The following PNLIPRP1 variants were observed in gnomAD, a reference collection of about 807,000 sequenced individuals.
PNLIPRP1 encodes the protein pancreatic lipase related protein 1.
Under a neutral mutation model 54.6 loss-of-function variants are expected in PNLIPRP1, and 57 were observed. That is an observed-to-expected ratio of 1.04 (90% CI 0.84 to 1.30). The LOEUF is 1.30. PNLIPRP1 is among the 50% of genes most tolerant of loss of function. PNLIPRP1 has a pLI of 0.00. For missense variants in PNLIPRP1, 567 were observed against 568.5 expected, an observed-to-expected ratio of 1.00 and a Z score of 0.03; for synonymous variants, 232 against 208.8, an observed-to-expected ratio of 1.11 and a Z score of -0.96.
intron 12 of PNLIPRP1, among the ~76,000 whole-genome samples, chr10:116,608,252 T>C (rs1847970858): frequency 6.6e-6 from 1 of 152,194 alleles, no homozygotes; most frequent in Non-Finnish European, 1.5e-5. Context: ...TTAAAAAATA[T>C]GAGGGGATTC....
chr10:116,597,943 C>T lies in PNLIPRP1; in HGVS notation c.690C>T (p.Phe230=). The change falls in exon 7 of 13, where the codon TTC becomes TTT. Residue 230 remains phenylalanine, a synonymous_variant. Coordinates refer to ENST00000358834, the MANE Select transcript of PNLIPRP1 (RefSeq NM_006229.4). ...IHTDAAPLIP[F]LGFGTNQQMG... is the part of the protein sequence containing the mutation. ...CGGATGCAGCTCCCCTGATCCCATTCTTGGGTGAGACCTATGATGCTCCAG... is the reference window on the plus strand; with the variant it reads ...CGGATGCAGCTCCCCTGATCCCATTTTTGGGTGAGACCTATGATGCTCCAG... The T allele has an allele frequency of 1.2e-6, 2 of 1,614,208 alleles. No homozygotes were observed. The highest frequency in any genetic ancestry group is 1.7e-6 in the Non-Finnish European group (2 of 1,180,006).
At chr10:116,591,454 A>T (rs1554863130) in intron 2 of PNLIPRP1, among the ~76,000 whole-genome samples, 1 of 152,236 alleles carries the variant, frequency 6.6e-6, no homozygotes, top group Admixed American at 6.5e-5. Flanking sequence ...ATATTGACTT[A>T]TCAATGCCCA....
At chr10:116,606,613 G>A (rs782392988) in intron 12 of PNLIPRP1, among the ~76,000 whole-genome samples, 2 of 152,204 alleles carry the variant, frequency 1.3e-5, no homozygotes, top group Non-Finnish European at 2.9e-5. Context: ...ATGTCAGGTG[G>A]TGGCATCATT....
intron 12 of PNLIPRP1, 36 bp downstream of exon 12, chr10:116,605,589 T>C (rs1554865496): frequency 9.2e-6 from 13 of 1,412,964 alleles, no homozygotes; most frequent in Admixed American, 2.0e-5. Flanking sequence ...TAAAAATGTT[T>C]GCAGAGATTC....
chr10:116,592,906 T>G (rs575239598), intron 4 of PNLIPRP1: 2 of 358,354 alleles, frequency 5.6e-6, no homozygotes, highest in South Asian at 2.2e-5. Flanking sequence ...CTGTGACCAC[T>G]TAATTGATCC....
chr10:116,594,936 T>C (rs1847709966), intron 5 of PNLIPRP1, 72 bp downstream of exon 5: 4 of 1,533,470 alleles, frequency 2.6e-6, no homozygotes, highest in Non-Finnish European at 3.6e-6. Flanking sequence ...GAGATGCAGC[T>C]GAGAGTTATG....
chr10:116,599,380 A>T, intron 8 of PNLIPRP1, among the ~76,000 whole-genome samples: 1 of 152,176 alleles, frequency 6.6e-6, no homozygotes, highest in South Asian at 2.1e-4. Context: ...AAAACTCTTC[A>T]TCAGTAATGG....
intron 10 of PNLIPRP1, among the ~76,000 whole-genome samples, chr10:116,603,174 G>A (rs1847879211): frequency 6.6e-6 from 1 of 152,214 alleles, no homozygotes; most frequent in Non-Finnish European, 1.5e-5. Context: ...TCGTGCACCT[G>A]CTCTGTGCTA....
chr10:116,591,012 A>G lies in PNLIPRP1; in HGVS notation c.-1+17A>G. On this transcript the variant is annotated intron_variant, in intron 1 of 12. Coordinates refer to ENST00000358834, the MANE Select transcript of PNLIPRP1 (RefSeq NM_006229.4). Reference sequence around the variant, plus strand: ...TTAGACAGGGTAAGCCACCTTTGCAACTCCTTTCCCCCTGCTGTGACGTAC... The same window carrying G: ...TTAGACAGGGTAAGCCACCTTTGCAGCTCCTTTCCCCCTGCTGTGACGTAC... The G allele has an allele frequency of 1.4e-6, 1 of 731,480 alleles. No individual in the cohort carries two copies. Among genetic ancestry groups the G allele is most frequent in the Non-Finnish European group, 2.4e-6 (1 of 423,392 alleles). 45.3% of individuals were successfully genotyped at this position (731,480 alleles called of 1,614,324 possible). A position where few individuals can be genotyped will look rare whatever the true frequency, so the allele number is the denominator to read the frequency against.
At chr10:116,607,734 G>A (rs1847959409) in intron 12 of PNLIPRP1, among the ~76,000 whole-genome samples, 1 of 152,186 alleles carries the variant, frequency 6.6e-6, no homozygotes, top group African/African-American at 2.4e-5. Flanking sequence ...CCTGAGAGAA[G>A]TCCGTGGTTC....
At position 116,601,263 on chromosome 10, in the gene PNLIPRP1, G is replaced by A; in HGVS notation, c.1063+62G>A. ...AGTATATAGTTTCTGTTACAAATGA[G>A]GGGCTTGCTTTCAACCTGAAATATT... On this transcript the variant is annotated intron_variant, in intron 10 of 12. Coordinates refer to ENST00000358834, the MANE Select transcript of PNLIPRP1 (RefSeq NM_006229.4). 8 of 1,468,104 alleles carry A rather than the reference G, an allele frequency of 5.4e-6. 1 individual carries two copies. In the South Asian group the frequency reaches 8.9e-5, roughly 16 times the overall value. 90.9% of individuals were successfully genotyped at this position (1,468,104 alleles called of 1,614,324 possible). A position where few individuals can be genotyped will look rare whatever the true frequency, so the allele number is the denominator to read the frequency against.
intron 6 of PNLIPRP1, among the ~76,000 whole-genome samples, chr10:116,597,010 A>C (rs1403908257): frequency 6.6e-6 from 1 of 152,212 alleles, no homozygotes; most frequent in Non-Finnish European, 1.5e-5. Flanking sequence ...TAACTTGCCC[A>C]AAGCCACACA....
intron 4 of PNLIPRP1, chr10:116,593,954 C>CAAAAA (rs57786929): frequency 1.1e-5 from 1 of 94,278 alleles, no homozygotes; most frequent in Non-Finnish European, 2.3e-5. Flanking sequence ...GAGGCTGTCT[C>CAAAAA]AAAAAAAAAA....
At chr10:116,606,400 G>A (rs1011960929) in intron 12 of PNLIPRP1, among the ~76,000 whole-genome samples, 1 of 152,180 alleles carries the variant, frequency 6.6e-6, no homozygotes, top group Non-Finnish European at 1.5e-5. Flanking sequence ...GGTGGTGGGT[G>A]GAACCAGGAG....
At chr10:116,598,281 C>A (rs1032095851) in intron 8 of PNLIPRP1, 115 bp downstream of exon 8, 3 of 1,015,766 alleles carry the variant, frequency 3.0e-6, no homozygotes, top group Non-Finnish European at 4.2e-6. Flanking sequence ...ATATACAATT[C>A]CCTCTTCTGG....
At chr10:116,602,179 C>T (rs1847857441) in intron 10 of PNLIPRP1, among the ~76,000 whole-genome samples, 1 of 152,096 alleles carries the variant, frequency 6.6e-6, no homozygotes, top group Non-Finnish European at 1.5e-5. Flanking sequence ...CCATGCCAGG[C>T]TAATTTTTTT....
At position 116,592,522 on chromosome 10, in the gene PNLIPRP1, G is replaced by A; in HGVS notation, c.311G>A (p.Trp104Ter). The A allele has an allele frequency of 2.5e-6, 4 of 1,614,172 alleles. No individual in the cohort carries two copies. The highest frequency in any genetic ancestry group is 3.4e-6 in the Non-Finnish European group (4 of 1,180,024). Reference sequence around the variant, plus strand: ...TTCATAGACAAAGGAGATGAGAGCTGGGTGACAGACATGTGCAAGGTAGGA... The same window carrying A: ...TTCATAGACAAAGGAGATGAGAGCTAGGTGACAGACATGTGCAAGGTAGGA... ...HGFIDKGDESWVTDMCKKLFE... is the reference protein window; with the variant it reads ...HGFIDKGDES Residue 104 changes from tryptophan to a stop codon, truncating the protein, a stop_gained, in exon 4 of 13, where the codon TGG becomes TAG. Coordinates refer to ENST00000358834, the MANE Select transcript of PNLIPRP1 (RefSeq NM_006229.4). LOFTEE classifies it high-confidence loss of function.
Position 116,600,177 on chromosome 10 carries a change from T to A in PNLIPRP1, c.933+12T>A. 6.4e-7 allele frequency: 1 copy of A among 1,551,142 alleles called. No individual in the cohort carries two copies. Among genetic ancestry groups the A allele is most frequent in the Non-Finnish European group, 8.9e-7 (1 of 1,122,570 alleles). On this transcript the variant is annotated intron_variant, in intron 9 of 12. Transcript: ENST00000358834. ...AGTCCTTTGAGTCTGTAAGCTATTG[T>A]CCTGCCTCGAGCAACAAGCATCACC...
rs782089731 is a variant in PNLIPRP1 at position 116,592,416 on chromosome 10, A to T, written c.205A>T (p.Ile69Phe). Residue 69 changes from isoleucine (I) to phenylalanine (F), a missense_variant and splice_region_variant, in exon 4 of 13, where the codon ATT (isoleucine) becomes TTT (phenylalanine). By Grantham distance (21) the Ile-to-Phe change is conservative. Transcript: ENST00000358834. ...TGAAGCACTTCTGCGTCTGTCACAG[A>T]TTCTCCTCCTCTCTGATCCATCAAC... ...YTNENPNNFQ[I>F]LLLSDPSTIE... 2 of 1,599,752 alleles carry T rather than the reference A, an allele frequency of 1.3e-6. No homozygotes were observed.
Sources: gnomAD v4.1 joint callset for allele counts (sites outside exome capture counted in the v4.1 genomes callset) on GRCh38, gnomAD v4.1.1 for gene constraint, MANE v1.5 for transcripts, NCBI Gene and HGNC (gene_info 2026-07-23, HGNC 2026-07-21) for gene names.